NELL2: variants seen among roughly 807,000 people sequenced by gnomAD.
The protein encoded by NELL2 is protein kinase C-binding protein NELL2.
A neutral mutation model predicts 109.6 loss-of-function variants in NELL2; 41 were observed. The ratio of observed to expected loss-of-function variants is 0.37; its 90% CI spans 0.29 to 0.49. The LOEUF (loss-of-function observed/expected upper bound fraction) is 0.49. NELL2 is among the 20% of genes least tolerant of loss of function. The pLI is 0.98. For synonymous variants in NELL2, 355 were observed against 344.7 expected (o/e 1.03, Z -0.33); for missense variants, 900 against 1,008.3 (o/e 0.89, Z 1.45).
At position 44,522,078 on chromosome 12, in the gene NELL2, C is replaced by CTGACT; in HGVS notation, c.2092_2096dup (p.Cys700ValfsTer80). 1 of 1,614,130 alleles carries CTGACT rather than the reference C, an allele frequency of 6.2e-7. No individual in the cohort carries two copies. Among genetic ancestry groups the CTGACT allele is most frequent in the Non-Finnish European group, 8.5e-7 (1 of 1,180,016 alleles). On this transcript the variant is annotated frameshift_variant, in exon 18 of 20. Coordinates refer to ENST00000429094, the MANE Select transcript of NELL2 (RefSeq NM_001145108.2). LOFTEE classifies it high-confidence loss of function. ...AAGTTTCCCCATTTTGATGGAGGCA[C>CTGACT]TGACTACTAAGCCTTGGGTCACATT...
intron 15 of NELL2, among the ~76,000 whole-genome samples, chr12:44,600,132 ATTTATTT>A (rs1945156847): frequency 2.6e-5 from 1 of 38,924 alleles, no homozygotes; most frequent in Non-Finnish European, 5.6e-5. Context: ...CGGCTAATTT[ATTTATTT>A]ATTTATTTAT....
At chr12:44,694,772 C>T (rs1949007722) in intron 12 of NELL2, among the ~76,000 whole-genome samples, 1 of 152,072 alleles carries the variant, frequency 6.6e-6, no homozygotes, top group Non-Finnish European at 1.5e-5. Context: ...CCATTAGATC[C>T]AGCAGGGACT....
chr12:44,834,436 CTTTTTT>C (rs36048159), intron 2 of NELL2, among the ~76,000 whole-genome samples: 1 of 131,552 alleles, frequency 7.6e-6, no homozygotes, highest in Non-Finnish European at 1.6e-5. Context: ...CACACGCATT[CTTTTTT>C]TTTTTTTTTT....
chr12:44,643,735 A>C (rs1172996025), intron 13 of NELL2, among the ~76,000 whole-genome samples: 2 of 152,212 alleles, frequency 1.3e-5, no homozygotes, highest in Non-Finnish European at 2.9e-5. Flanking sequence ...GCTTTTCAAA[A>C]TATGTGTATT....
intron 9 of NELL2, among the ~76,000 whole-genome samples, chr12:44,765,000 C>T (rs1941273250): frequency 6.6e-6 from 1 of 152,102 alleles, no homozygotes; most frequent in Non-Finnish European, 1.5e-5. Context: ...TTACAGGTCC[C>T]ACCCTGAAAC....
chr12:44,776,298 T>G (rs1941754934), intron 7 of NELL2, 148 bp from the exon 8 acceptor site: 2 of 666,382 alleles, frequency 3.0e-6, no homozygotes, highest in Non-Finnish European at 4.5e-6. Context: ...ATTTAAGACT[T>G]TAATTTAATT....
chr12:44,843,643 T>C (rs561425453), intron 2 of NELL2, among the ~76,000 whole-genome samples: 1 of 152,216 alleles, frequency 6.6e-6, no homozygotes, highest in Non-Finnish European at 1.5e-5. Context: ...TGAAATTTGT[T>C]TTCTCATAGT....
chr12:44,866,026 T>C (rs1354053324), intron 2 of NELL2, among the ~76,000 whole-genome samples: 2 of 152,100 alleles, frequency 1.3e-5, no homozygotes, highest in East Asian at 1.9e-4. Context: ...ATAAGATTAA[T>C]GGTCTCATGA....
chr12:44,851,407 T>C (rs1274254609), intron 2 of NELL2, among the ~76,000 whole-genome samples: 1 of 152,202 alleles, frequency 6.6e-6, no homozygotes, highest in Non-Finnish European at 1.5e-5. Context: ...TTAAATGTTC[T>C]AAAACCTCAG....
chr12:44,645,876 T>C (rs554303874), intron 13 of NELL2, among the ~76,000 whole-genome samples: 7 of 152,288 alleles, frequency 4.6e-5, no homozygotes, highest in African/African-American at 1.4e-4. Flanking sequence ...CAGTATATTA[T>C]AGTATATTAT....
chr12:44,901,982 A>C (rs1639062535), intron 1 of NELL2, among the ~76,000 whole-genome samples: 1 of 152,212 alleles, frequency 6.6e-6, no homozygotes, highest in Non-Finnish European at 1.5e-5. Context: ...TTCCCTTTGA[A>C]AACTGGCACA....
At chr12:44,834,592 A>ACTG (rs1394033364) in intron 2 of NELL2, among the ~76,000 whole-genome samples, 1 of 152,212 alleles carries the variant, frequency 6.6e-6, no homozygotes. Context: ...AGCAATAAAT[A>ACTG]CTGCGCAGGG....
chr12:44,724,704 G>A (rs1026877103), intron 9 of NELL2, among the ~76,000 whole-genome samples: 1 of 150,232 alleles, frequency 6.7e-6, no homozygotes, highest in African/African-American at 2.5e-5. Flanking sequence ...ATATTCAGTG[G>A]TATTCCTATA....
intron 2 of NELL2, among the ~76,000 whole-genome samples, chr12:44,830,956 C>G (rs1566490205): frequency 6.6e-6 from 1 of 151,976 alleles, no homozygotes. Flanking sequence ...AATTCTAGAT[C>G]TATCACATGC....
At chr12:44,616,202 T>TC (rs1945819294) in intron 13 of NELL2, among the ~76,000 whole-genome samples, 4 of 152,172 alleles carry the variant, frequency 2.6e-5, no homozygotes, top group Admixed American at 2.6e-4. Context: ...ACCTTCATAG[T>TC]CAGCCCACTA....
intron 14 of NELL2, among the ~76,000 whole-genome samples, chr12:44,610,213 C>T (rs960813430): frequency 6.8e-6 from 1 of 147,942 alleles, no homozygotes; most frequent in Admixed American, 6.8e-5. Context: ...TAATCTTCCA[C>T]AGTAGCCTCC....
At chr12:44,784,031 T>C (rs1942068403) in intron 3 of NELL2, among the ~76,000 whole-genome samples, 1 of 152,118 alleles carries the variant, frequency 6.6e-6, no homozygotes, top group African/African-American at 2.4e-5. Context: ...TGAAAATCAA[T>C]CCATTATACT....
rs562615681 is a variant in NELL2 at position 44,910,816 on chromosome 12, G to A, written c.38+2983C>T. 1.3e-3 allele frequency among the ~76,000 whole-genome samples: 193 copies of A among 152,098 alleles called. 1 individual carries two copies. Among genetic ancestry groups the A allele is most frequent in the Non-Finnish European group, 2.3e-3 (158 of 67,908 alleles). Reference sequence around the variant, plus strand: ...CCATGTTCTTCGCAGCAATATGGATGCAGCTGGAGGCCATAATCCTTTTTT... The same window carrying A: ...CCATGTTCTTCGCAGCAATATGGATACAGCTGGAGGCCATAATCCTTTTTT... On this transcript the variant is annotated intron_variant, in intron 1 of 20. Coordinates refer to the NELL2 transcript ENST00000333837.
At chr12:44,885,054 G>A (rs749881518) in intron 1 of NELL2, among the ~76,000 whole-genome samples, 5 of 151,866 alleles carry the variant, frequency 3.3e-5, no homozygotes, top group African/African-American at 4.9e-5. Flanking sequence ...TGAGGCAGGC[G>A]GATCACCTGA....
Sources: gnomAD v4.1 joint callset for allele counts (sites outside exome capture counted in the v4.1 genomes callset) on GRCh38, gnomAD v4.1.1 for gene constraint, MANE v1.5 for transcripts, NCBI Gene and HGNC (gene_info 2026-07-23, HGNC 2026-07-21) for gene names.